The following USH2A variants were observed in gnomAD, a reference collection of about 807,000 sequenced individuals.
The protein encoded by USH2A is usherin, also known as Usher syndrome 2A (autosomal recessive, mild).
USH2A carries 443 observed loss-of-function variants against 538.9 expected under a neutral mutation model. The observed-to-expected ratio is 0.82, with a 90% CI of 0.76 to 0.89. The LOEUF (loss-of-function observed/expected upper bound fraction) is 0.89. Among genes scored for constraint, USH2A ranks in the 40% least tolerant of loss-of-function variants. USH2A has a pLI of 0.00. For missense variants in USH2A, 6,633 were observed against 6,324.8 expected (o/e 1.05, Z -1.65); for synonymous variants, 2,413 against 2,273.5 (o/e 1.06, Z -1.75).
intron 37 of USH2A, among the ~76,000 whole-genome samples, chr1:215,963,029 T>C (rs1163022864): frequency 6.6e-6 from 1 of 152,128 alleles, no homozygotes; most frequent in African/African-American, 2.4e-5. Context: ...TACACTTGCT[T>C]TGAACTAGCT....
intron 20 of USH2A, 124 bp from the exon 21 acceptor site, chr1:216,175,606 C>G: frequency 1.0e-6 from 1 of 954,232 alleles, no homozygotes; most frequent in African/African-American, 1.6e-5. Flanking sequence ...GTTGTGGTTT[C>G]AAGTATCTGT....
chr1:216,349,369 T>A (rs892049429), intron 4 of USH2A, among the ~76,000 whole-genome samples: 33 of 152,054 alleles, frequency 2.2e-4, no homozygotes, highest in Non-Finnish European at 7.4e-5. Context: ...AGCAACTCCA[T>A]CTTGAATAGG....
intron 2 of USH2A, 109 bp downstream of exon 2, chr1:216,421,743 C>A: frequency 6.5e-7 from 1 of 1,550,044 alleles, no homozygotes; most frequent in Non-Finnish European, 8.9e-7. Context: ...TCTTCAATAC[C>A]ATGAATTCTA....
chr1:215,965,616 T>A (rs1667323293), intron 36 of USH2A, 137 bp from the exon 37 acceptor site: 7 of 986,246 alleles, frequency 7.1e-6, no homozygotes, highest in Non-Finnish European at 1.0e-5. Flanking sequence ...GAATACCTCA[T>A]TTTGTCAGCA....
At chr1:215,992,620 G>A (rs1367251815) in intron 35 of USH2A, among the ~76,000 whole-genome samples, 1 of 152,096 alleles carries the variant, frequency 6.6e-6, no homozygotes, top group African/African-American at 2.4e-5. Context: ...AATCAAAAGC[G>A]TTTTGACACA....
At chr1:216,349,177 T>C (rs1248144908) in intron 4 of USH2A, among the ~76,000 whole-genome samples, 3 of 152,106 alleles carry the variant, frequency 2.0e-5, no homozygotes, top group Non-Finnish European at 4.4e-5. Context: ...CATACCAGCA[T>C]TTTCTGATTG....
intron 46 of USH2A, among the ~76,000 whole-genome samples, chr1:215,842,995 AAG>A (rs1182806139): frequency 2.6e-5 from 4 of 152,176 alleles, no homozygotes; most frequent in African/African-American, 9.7e-5. Context: ...ATGAAAAAAA[AAG>A]AAAAATAATT....
intron 26 of USH2A, among the ~76,000 whole-genome samples, chr1:216,081,173 A>C (rs574235507): frequency 9.2e-5 from 14 of 152,114 alleles, no homozygotes; most frequent in Non-Finnish European, 1.8e-4. Flanking sequence ...TACAAGACAC[A>C]AGATCAGGGT....
intron 52 of USH2A, among the ~76,000 whole-genome samples, chr1:215,783,203 T>C (rs1013476493): frequency 1.3e-5 from 2 of 152,084 alleles, no homozygotes; most frequent in Admixed American, 6.6e-5. Flanking sequence ...AAATGAAAAA[T>C]AAAAGCACTG....
At chr1:216,223,385 T>C (rs1331595041) in intron 14 of USH2A, among the ~76,000 whole-genome samples, 1 of 152,174 alleles carries the variant, frequency 6.6e-6, no homozygotes, top group African/African-American at 2.4e-5. Flanking sequence ...CATAGGAGAT[T>C]GCAAAAATCA....
chr1:216,184,886 T>C (rs2034567461), intron 20 of USH2A, among the ~76,000 whole-genome samples: 1 of 151,962 alleles, frequency 6.6e-6, no homozygotes, highest in African/African-American at 2.4e-5. Context: ...TGCACACCAA[T>C]TACTTGTTTT....
chr1:216,046,349 C>G, intron 32 of USH2A, 82 bp downstream of exon 32: 2 of 1,538,270 alleles, frequency 1.3e-6, no homozygotes, highest in East Asian at 4.6e-5. Flanking sequence ...TATGGAACCC[C>G]TGGATATCGA....
At chr1:216,018,159 C>T (rs1462095513) in intron 32 of USH2A, among the ~76,000 whole-genome samples, 3 of 152,150 alleles carry the variant, frequency 2.0e-5, no homozygotes. Flanking sequence ...TAAGCATAAA[C>T]TCTTAGAAGT....
chr1:216,088,992 T>C (rs762239360), intron 23 of USH2A, 21 bp downstream of exon 23: 2 of 1,612,932 alleles, frequency 1.2e-6, no homozygotes, highest in Admixed American at 1.7e-5. Flanking sequence ...GGGCTATTTA[T>C]ACATATCAAA....
At chr1:216,207,160 ACT>A (rs2035131725) in intron 16 of USH2A, 111 bp downstream of exon 16, 3 of 1,295,774 alleles carry the variant, frequency 2.3e-6, no homozygotes, top group Non-Finnish European at 2.2e-6. Context: ...TGTTTGAAAC[ACT>A]CTGTGCCAGA....
At position 216,073,292 on chromosome 1, in the gene USH2A, C is replaced by T. The variant is rs375668376; in HGVS notation, c.5581G>A (p.Gly1861Ser). The T allele has an allele frequency of 3.7e-6, 6 of 1,612,856 alleles. No individual in the cohort carries two copies. In the East Asian group the frequency reaches 6.7e-5, roughly 18 times the overall value. The change falls in exon 28 of 72, where the codon GGT becomes AGT. Residue 1861 changes from glycine to serine, a missense_variant. Coordinates refer to ENST00000307340, the MANE Select transcript of USH2A (RefSeq NM_206933.4). Reference protein sequence around the residue: ...QHLCLEQGFGGCMKDVKFTRG... With the variant: ...QHLCLEQGFGSCMKDVKFTRG... ...GTAAATTTAACATCCTTCATGCAAC[C>T]ACCGAAACCTAGCAAATAGTAAGGG...
intron 37 of USH2A, among the ~76,000 whole-genome samples, chr1:215,962,437 A>C (rs1488024575): frequency 6.6e-6 from 1 of 152,124 alleles, no homozygotes; most frequent in African/African-American, 2.4e-5. Flanking sequence ...GGTTAAACCA[A>C]TGATGGTATG....
chr1:215,684,409 G>A (rs1368716986), intron 61 of USH2A, among the ~76,000 whole-genome samples: 2 of 152,190 alleles, frequency 1.3e-5, no homozygotes, highest in Admixed American at 1.3e-4. Context: ...ATCTGTAGCT[G>A]TCAATAAAAG....
At chr1:215,761,864 T>TA (rs760750846) in intron 56 of USH2A, among the ~76,000 whole-genome samples, 80 of 152,096 alleles carry the variant, frequency 5.3e-4, no homozygotes, top group Non-Finnish European at 9.7e-4. Flanking sequence ...TTCTGGAGAT[T>TA]AAAAAAAACT....
Sources: gnomAD v4.1 joint callset for allele counts (sites outside exome capture counted in the v4.1 genomes callset) on GRCh38, gnomAD v4.1.1 for gene constraint, MANE v1.5 for transcripts, NCBI Gene and HGNC (gene_info 2026-07-23, HGNC 2026-07-21) for gene names.